Variants in LOXL2 observed in about 807,000 individuals in gnomAD.
The protein encoded by LOXL2 is lysyl oxidase homolog 2.
LOXL2 carries 70 observed loss-of-function variants against 93.0 expected under a neutral mutation model. The observed-to-expected ratio is 0.75, with a 90% CI of 0.62 to 0.92. The LOEUF (loss-of-function observed/expected upper bound fraction) is 0.92. LOXL2 is among the 40% of genes least tolerant of loss of function. LOXL2 has a pLI of 0.00. For missense variants in LOXL2, 973 were observed against 1,054.9 expected (o/e 0.92, Z 1.08); for synonymous variants, 438 against 413.2 (o/e 1.06, Z -0.73).
At chr8:23,299,407 C>T (rs1022541582) in intron 12 of LOXL2, among the ~76,000 whole-genome samples, 1 of 152,186 alleles carries the variant, frequency 6.6e-6, no homozygotes, top group Non-Finnish European at 1.5e-5. Flanking sequence ...CATGTCCCTT[C>T]CTCTCTCTGT....
At chr8:23,357,446 A>C (rs2117201859) in intron 3 of LOXL2, among the ~76,000 whole-genome samples, 1 of 152,298 alleles carries the variant, frequency 6.6e-6, no homozygotes, top group Non-Finnish European at 1.5e-5. Flanking sequence ...TTCGCCCTGG[A>C]ATTATTAAGC....
chr8:23,298,364 G>A (rs867829518), intron 13 of LOXL2, among the ~76,000 whole-genome samples: 3 of 152,198 alleles, frequency 2.0e-5, no homozygotes, highest in Non-Finnish European at 4.4e-5. Flanking sequence ...CCAAGAGTGA[G>A]GCCCATGACT....
Position 23,328,703 on chromosome 8 carries a change from GTATGGA to G in LOXL2, c.967-144_967-139del, listed in dbSNP as rs1803627747. On this transcript the variant is annotated intron_variant, in intron 5 of 13. Transcript: ENST00000389131. The stretch of plus-strand genomic sequence containing the variant: ...TCTGGGAGCTGCAACTATGCTTGAT[GTATGGA>G]TGTGTGTGTGTGTGTGTGTGTGTGT... The G allele has an allele frequency of 4.4e-6, 3 of 680,216 alleles. No homozygotes were observed. The Admixed American group carries it at 6.7e-5, about 15-fold the overall frequency. 42.1% of individuals were successfully genotyped at this position (680,216 alleles called of 1,614,324 possible).
intron 2 of LOXL2, chr8:23,363,610 A>G (rs1292906437): frequency 6.6e-6 from 1 of 152,240 alleles, no homozygotes; most frequent in Non-Finnish European, 1.5e-5. Context: ...ATCTGCAGTG[A>G]GAGAAACCCC....
chr8:23,375,823 T>G (rs1358887137), intron 1 of LOXL2, among the ~76,000 whole-genome samples: 3 of 152,216 alleles, frequency 2.0e-5, no homozygotes, highest in Non-Finnish European at 4.4e-5. Flanking sequence ...GCTTATCAGC[T>G]TAAGGAGATT....
At chr8:23,388,623 T>TCTCACACA (rs1345236325) in intron 1 of LOXL2, among the ~76,000 whole-genome samples, 1 of 142,822 alleles carries the variant, frequency 7.0e-6, no homozygotes, top group African/African-American at 2.6e-5. Context: ...AAAAATATAC[T>TCTCACACA]CACACACACA....
chr8:23,368,175 G>C lies in LOXL2; in HGVS notation c.177C>G (p.Arg59=). The change falls in exon 2 of 14, where the codon CGC becomes CGG. Residue 59 remains arginine, a synonymous_variant. Coordinates refer to ENST00000389131, the MANE Select transcript of LOXL2 (RefSeq NM_002318.3). ...APANVAKIQL[R]LAGQKRKHSE... ...TGTGCTTCCTCTTCTGCCCAGCCAGGCGCAGCTGAATCTTGGCCACGTTGG... is the reference window on the plus strand; with the variant it reads ...TGTGCTTCCTCTTCTGCCCAGCCAGCCGCAGCTGAATCTTGGCCACGTTGG... The C allele has an allele frequency of 1.2e-6, 2 of 1,614,128 alleles. No individual in the cohort carries two copies. The highest frequency in any genetic ancestry group is 8.5e-7 in the Non-Finnish European group (1 of 1,180,032).
chr8:23,379,605 C>T (rs1309430930), intron 1 of LOXL2, among the ~76,000 whole-genome samples: 2 of 151,728 alleles, frequency 1.3e-5, no homozygotes, highest in Non-Finnish European at 2.9e-5. Flanking sequence ...TTCCCAGTCC[C>T]TTTGTTTACC....
rs1191170458 is a variant in LOXL2 at position 23,328,500 on chromosome 8, A to T, written c.1032T>A (p.Asn344Lys). The change falls in exon 6 of 14, where the codon AAT (asparagine) becomes AAA (lysine). Residue 344 changes from asparagine to lysine, a missense_variant. Transcript: ENST00000389131. ...CGTCGCAGACGGTCCCCCATTCTCC[A>T]TTTTTGAGCACCTCCACGCGGCCCT... ...IGEGRVEVLK[N>K]GEWGTVCDDK... 1 of 1,613,882 alleles carries T rather than the reference A, an allele frequency of 6.2e-7. No homozygotes were observed. Among genetic ancestry groups the T allele is most frequent in the South Asian group, 1.1e-5 (1 of 91,060 alleles).
chr8:23,335,894 T>C (rs1803782133), intron 4 of LOXL2, among the ~76,000 whole-genome samples: 1 of 152,210 alleles, frequency 6.6e-6, no homozygotes, highest in African/African-American at 2.4e-5. Flanking sequence ...AATTCTAGTG[T>C]GCTTGTGAAC....
chr8:23,350,431 G>T (rs113324891), intron 3 of LOXL2, among the ~76,000 whole-genome samples: 6,230 of 152,082 alleles, frequency 0.041, 245 homozygotes, highest in East Asian at 0.1. Flanking sequence ...TTAGCTGGGC[G>T]TGGTGGCACG....
At chr8:23,403,650 T>C (rs1800180068) in intron 1 of LOXL2, among the ~76,000 whole-genome samples, 1 of 149,192 alleles carries the variant, frequency 6.7e-6, no homozygotes, top group Non-Finnish European at 1.5e-5. Flanking sequence ...CTTGACGGGC[T>C]CTGTCCCGCC....
intron 13 of LOXL2, among the ~76,000 whole-genome samples, 171 bp from the exon 14 acceptor site, chr8:23,298,293 T>A (rs990683639): frequency 1.3e-5 from 2 of 152,192 alleles, no homozygotes; most frequent in Non-Finnish European, 2.9e-5. Flanking sequence ...ACATAGCAGG[T>A]GCTCTGTCAA....
At chr8:23,318,848 G>A (rs76387111) in intron 8 of LOXL2, among the ~76,000 whole-genome samples, 1,711 of 152,344 alleles carry the variant, frequency 0.011, 13 homozygotes, top group Non-Finnish European at 0.012. Flanking sequence ...TCTGGATGCC[G>A]GAATGAGGAG....
intron 3 of LOXL2, among the ~76,000 whole-genome samples, chr8:23,344,954 C>G (rs1324649246): frequency 6.6e-6 from 1 of 152,160 alleles, no homozygotes; most frequent in African/African-American, 2.4e-5. Context: ...GCTGGGCTTC[C>G]TCCTTACACC....
chr8:23,326,428 C>G (rs76740016), intron 6 of LOXL2, among the ~76,000 whole-genome samples: 1 of 152,106 alleles, frequency 6.6e-6, no homozygotes, highest in East Asian at 1.9e-4. Context: ...ACCCACACAT[C>G]GGCCAATCAG....
intron 3 of LOXL2, among the ~76,000 whole-genome samples, chr8:23,344,951 T>C (rs967862681): frequency 8.5e-5 from 13 of 152,212 alleles, no homozygotes; most frequent in African/African-American, 3.1e-4. Context: ...CTTGCTGGGC[T>C]TCCTCCTTAC....
chr8:23,366,927 G>C (rs1459504927), intron 2 of LOXL2, among the ~76,000 whole-genome samples: 6 of 152,208 alleles, frequency 3.9e-5, no homozygotes, highest in Admixed American at 2.6e-4. Flanking sequence ...AATGAGGCTG[G>C]AGAGGACATG....
At chr8:23,401,977 G>A (rs1484504148) in intron 1 of LOXL2, among the ~76,000 whole-genome samples, 1 of 152,202 alleles carries the variant, frequency 6.6e-6, no homozygotes, top group East Asian at 1.9e-4. Flanking sequence ...CAAAGTTACA[G>A]GGAAGCAAAT....
Sources: gnomAD v4.1 joint callset for allele counts (sites outside exome capture counted in the v4.1 genomes callset) on GRCh38, gnomAD v4.1.1 for gene constraint, MANE v1.5 for transcripts, NCBI Gene and HGNC (gene_info 2026-07-23, HGNC 2026-07-21) for gene names.